SOHLH2: variants seen among roughly 807,000 people sequenced by gnomAD.
The protein encoded by SOHLH2 is spermatogenesis and oogenesis specific basic helix-loop-helix 2.
Under a neutral mutation model 50.4 loss-of-function variants are expected in SOHLH2, and 22 were observed. The observed-to-expected ratio is 0.44, with a 90% CI of 0.31 to 0.62. SOHLH2 has a LOEUF of 0.62. Ranked by LOEUF, SOHLH2 falls within the 20% of genes least tolerant of loss-of-function variation. The probability of loss-of-function intolerance (pLI) is 0.08; values close to 1 mark genes in which losing one functional copy is unlikely to be tolerated. For missense variants in SOHLH2, 412 were observed against 504.4 expected, an observed-to-expected ratio of 0.82 and a Z score of 1.76; for synonymous variants, 185 against 187.3, an observed-to-expected ratio of 0.99 and a Z score of 0.10.
intron 1 of SOHLH2, among the ~76,000 whole-genome samples, chr13:36,213,889 T>C (rs74045243): frequency 0.011 from 1,612 of 151,838 alleles, 30 homozygotes; most frequent in African/African-American, 0.037. Flanking sequence ...CGCGCCTAAA[T>C]AAACTTTCTT....
chr13:36,201,350 T>C (rs1442950220), intron 2 of SOHLH2, among the ~76,000 whole-genome samples: 1 of 152,200 alleles, frequency 6.6e-6, no homozygotes, highest in East Asian at 1.9e-4. Context: ...TAAATTTCTA[T>C]GACAAATTGA....
chr13:36,181,814 T>A (rs1431247034), intron 6 of SOHLH2, among the ~76,000 whole-genome samples: 1 of 152,188 alleles, frequency 6.6e-6, no homozygotes, highest in East Asian at 1.9e-4. Context: ...TGTTATTATT[T>A]CCCTTCCGCC....
At chr13:36,213,478 T>C (rs1331534298) in intron 1 of SOHLH2, among the ~76,000 whole-genome samples, 1 of 152,150 alleles carries the variant, frequency 6.6e-6, no homozygotes, top group Non-Finnish European at 1.5e-5. Flanking sequence ...CACAAAAGAT[T>C]GCTCTCTCCT....
At chr13:36,207,128 A>G (rs1868825588) in intron 1 of SOHLH2, among the ~76,000 whole-genome samples, 1 of 151,938 alleles carries the variant, frequency 6.6e-6, no homozygotes, top group Admixed American at 6.6e-5. Flanking sequence ...TTACAAGCTG[A>G]TCTTTCAGTT....
At chr13:36,199,671 TACTC>T (rs1849405693) in intron 2 of SOHLH2, among the ~76,000 whole-genome samples, 1 of 152,260 alleles carries the variant, frequency 6.6e-6, no homozygotes, top group Non-Finnish European at 1.5e-5. Context: ...TAAGCTATGT[TACTC>T]AGGGCAATAA....
At chr13:36,195,123 A>AT (rs1887685418) in intron 2 of SOHLH2, among the ~76,000 whole-genome samples, 4 of 152,168 alleles carry the variant, frequency 2.6e-5, no homozygotes, top group African/African-American at 7.2e-5. Context: ...ATCATTATAG[A>AT]TAATTTTATG....
chr13:36,198,724 C>T (rs1243622405), intron 2 of SOHLH2, among the ~76,000 whole-genome samples: 4 of 152,268 alleles, frequency 2.6e-5, no homozygotes, highest in Non-Finnish European at 4.4e-5. Context: ...AAGCTGCTTT[C>T]ATTTTATTCT....
chr13:36,185,671 G>A (rs1887398091), intron 6 of SOHLH2, among the ~76,000 whole-genome samples: 1 of 151,784 alleles, frequency 6.6e-6, no homozygotes, highest in South Asian at 2.1e-4. Context: ...TATCAATACC[G>A]GGAATGAAAA....
chr13:36,196,910 A>G (rs1887748120), intron 2 of SOHLH2, among the ~76,000 whole-genome samples: 1 of 152,206 alleles, frequency 6.6e-6, no homozygotes. Flanking sequence ...CCAGAATCCA[A>G]TACTCTGGTC....
intron 1 of SOHLH2, among the ~76,000 whole-genome samples, chr13:36,203,816 G>A (rs1868578512): frequency 1.3e-5 from 2 of 151,946 alleles, no homozygotes; most frequent in East Asian, 3.9e-4. Context: ...TATCATGCAT[G>A]CCCATTTACT....
intron 1 of SOHLH2, among the ~76,000 whole-genome samples, chr13:36,212,540 A>G (rs1453289982): frequency 6.6e-6 from 1 of 152,262 alleles, no homozygotes; most frequent in African/African-American, 2.4e-5. Flanking sequence ...TGTTTCTAGT[A>G]TATTCTGCTT....
chr13:36,200,188 A>G (rs1370611133), intron 2 of SOHLH2, among the ~76,000 whole-genome samples: 3 of 152,216 alleles, frequency 2.0e-5, no homozygotes, highest in Non-Finnish European at 4.4e-5. Flanking sequence ...AAATTTTAAA[A>G]TATGATATAA....
intron 2 of SOHLH2, among the ~76,000 whole-genome samples, chr13:36,198,182 C>T (rs1314680741): frequency 1.3e-5 from 2 of 152,310 alleles, no homozygotes; most frequent in Middle Eastern, 3.4e-3. Context: ...GAGCCACATC[C>T]TGCGTTCCTT....
rs1269365896 is a variant in SOHLH2, at chr13:36,170,516, C to T, written c.1257+15G>A. 1.2e-6 allele frequency: 2 copies of T among 1,611,022 alleles called. No individual in the cohort carries two copies. The highest frequency in any genetic ancestry group is 1.1e-5 in the South Asian group (1 of 90,772). Reference sequence around the variant, plus strand: ...GAAAGGGTCCAATCTGATCCATGGACCCCTGGAAACTTACCAGACAGTTGG... The same window carrying T: ...GAAAGGGTCCAATCTGATCCATGGATCCCTGGAAACTTACCAGACAGTTGG... On this transcript the variant is annotated intron_variant, in intron 10 of 10. Transcript: ENST00000379881.
chr13:36,202,836 G>C (rs1868506669), intron 1 of SOHLH2, among the ~76,000 whole-genome samples: 1 of 152,188 alleles, frequency 6.6e-6, no homozygotes, highest in Admixed American at 6.5e-5. Flanking sequence ...GAGGTGATTA[G>C]AGTTGAAGCT....
At chr13:36,212,045 C>G (rs917832764) in intron 1 of SOHLH2, among the ~76,000 whole-genome samples, 2 of 152,112 alleles carry the variant, frequency 1.3e-5, no homozygotes, top group Non-Finnish European at 2.9e-5. Flanking sequence ...TCCAGTGTCC[C>G]CAGAATCTCT....
chr13:36,191,741 A>G (rs1887579830), intron 5 of SOHLH2, 54 bp downstream of exon 5: 1 of 1,606,814 alleles, frequency 6.2e-7, no homozygotes, highest in Admixed American at 1.7e-5. Flanking sequence ...AAATAGCCAC[A>G]ATCAATAAGT....
At chr13:36,211,006 C>T (rs1298463395) in intron 1 of SOHLH2, among the ~76,000 whole-genome samples, 4 of 152,158 alleles carry the variant, frequency 2.6e-5, no homozygotes, top group South Asian at 2.1e-4. Context: ...CATGTGATTT[C>T]TTCTATGCAA....
chr13:36,207,655 C>G (rs931726514), intron 1 of SOHLH2, among the ~76,000 whole-genome samples: 3 of 152,174 alleles, frequency 2.0e-5, no homozygotes, highest in Admixed American at 6.5e-5. Context: ...CCACTGATAG[C>G]CTTTTTCTGT....
Sources: allele counts gnomAD v4.1 joint callset (sites outside exome capture counted in the v4.1 genomes callset), GRCh38; gene constraint gnomAD v4.1.1; transcripts MANE v1.5; gene names NCBI Gene and HGNC (gene_info 2026-07-23, HGNC 2026-07-21).